Variants in UBE2D2 observed in about 807,000 individuals in gnomAD.
UBE2D2 encodes ubiquitin-conjugating enzyme E2 D2.
In UBE2D2, 2 loss-of-function variants were observed where a neutral mutation model predicts 24.2. The observed-to-expected ratio is 0.08, with a 90% CI of 0.03 to 0.26. The LOEUF (loss-of-function observed/expected upper bound fraction) is 0.26. Ranked by LOEUF, UBE2D2 falls within the 10% of genes least tolerant of loss-of-function variation. UBE2D2 has a pLI of 1.00. For missense variants in UBE2D2, 44 were observed against 177.6 expected, an observed-to-expected ratio of 0.25 and a Z score of 4.28; for synonymous variants, 58 against 56.5, an observed-to-expected ratio of 1.03 and a Z score of -0.12.
At chr5:139,596,165 T>C (rs1753956131) in intron 1 of UBE2D2, among the ~76,000 whole-genome samples, 1 of 152,030 alleles carries the variant, frequency 6.6e-6, no homozygotes, top group Non-Finnish European at 1.5e-5. Context: ...GTGCTGGGAT[T>C]ACAGGTATGA....
intron 1 of UBE2D2, among the ~76,000 whole-genome samples, chr5:139,587,672 C>CAAAAAAA (rs766266617): frequency 2.8e-5 from 1 of 35,548 alleles, no homozygotes. Context: ...GACCCCATCT[C>CAAAAAAA]AAAAAAAAAA....
intron 1 of UBE2D2, among the ~76,000 whole-genome samples, chr5:139,579,120 A>G (rs1052197524): frequency 6.6e-6 from 1 of 151,922 alleles, no homozygotes; most frequent in African/African-American, 2.4e-5. Context: ...GGTGTGTGCC[A>G]CCACACCCAG....
chr5:139,543,698 C>T (rs1276197536), intron 1 of UBE2D2, among the ~76,000 whole-genome samples: 1 of 152,242 alleles, frequency 6.6e-6, no homozygotes, highest in Non-Finnish European at 1.5e-5. Flanking sequence ...TCTTCGCCAC[C>T]AGATCCCAAT....
intron 6 of UBE2D2, among the ~76,000 whole-genome samples, chr5:139,625,053 A>C (rs1581537206): frequency 1.4e-5 from 2 of 138,950 alleles, no homozygotes; most frequent in African/African-American, 2.7e-5. Context: ...CCCACCCTCT[A>C]ACCCCCCACT....
chr5:139,541,007 T>C (rs1752752394), intron 1 of UBE2D2, among the ~76,000 whole-genome samples: 1 of 141,774 alleles, frequency 7.1e-6, no homozygotes. Flanking sequence ...AAAAAAAAAG[T>C]CTGGATGCAG....
intron 2 of UBE2D2, among the ~76,000 whole-genome samples, chr5:139,602,897 A>G (rs563625091): frequency 7.7e-4 from 118 of 152,320 alleles, no homozygotes; most frequent in African/African-American, 2.6e-3. Flanking sequence ...GGTACCAAAC[A>G]AGGCAGGCTA....
intron 1 of UBE2D2, among the ~76,000 whole-genome samples, chr5:139,548,006 A>C (rs560245236): frequency 5.3e-4 from 80 of 151,766 alleles, no homozygotes; most frequent in African/African-American, 1.8e-3. Flanking sequence ...AAGTTTCATT[A>C]TAAATTTAAT....
intron 6 of UBE2D2, among the ~76,000 whole-genome samples, chr5:139,624,607 G>A (rs1166679498): frequency 6.6e-6 from 1 of 152,256 alleles, no homozygotes; most frequent in Non-Finnish European, 1.5e-5. Flanking sequence ...CCAACGGGGT[G>A]AAACCCCGTC....
rs192163248 is a variant in UBE2D2 at position 139,571,137 on chromosome 5, G to A, written c.24+9322G>A. ...TTAAAACAACAGATCGGCTGGGCGC[G>A]GTGGCTCATGCCTGTAATCCCAGCA... is the stretch of plus-strand genomic sequence containing the variant. On this transcript the variant is annotated intron_variant, in intron 1 of 6. Transcript: ENST00000398733. 7.8e-3 allele frequency among the ~76,000 whole-genome samples: 1,180 copies of A among 152,156 alleles called. 8 individuals are homozygous for A. The highest frequency in any genetic ancestry group is 0.041 in the Middle Eastern group (12 of 294).
intron 1 of UBE2D2, among the ~76,000 whole-genome samples, chr5:139,582,402 G>T (rs1174432746): frequency 6.6e-6 from 1 of 151,662 alleles, no homozygotes; most frequent in Non-Finnish European, 1.5e-5. Flanking sequence ...GTAGAGACGG[G>T]GTTTCACAAT....
At chr5:139,607,016 G>A (rs1754214294) in intron 2 of UBE2D2, among the ~76,000 whole-genome samples, 1 of 152,136 alleles carries the variant, frequency 6.6e-6, no homozygotes, top group African/African-American at 2.4e-5. Context: ...ATGTTGGCCA[G>A]GCTGGTCTTG....
chr5:139,571,971 C>A (rs1218103738), intron 1 of UBE2D2, among the ~76,000 whole-genome samples: 1 of 151,734 alleles, frequency 6.6e-6, no homozygotes, highest in Non-Finnish European at 1.5e-5. Context: ...AAACTTCCCT[C>A]TTCCATAAGA....
At chr5:139,561,850 G>T in intron 1 of UBE2D2, 35 bp downstream of exon 1, 1 of 1,464,450 alleles carries the variant, frequency 6.8e-7, no homozygotes. Flanking sequence ...CTGCTGGCCA[G>T]CTGAGCAGGC....
intron 1 of UBE2D2, among the ~76,000 whole-genome samples, chr5:139,578,364 C>T (rs1753524742): frequency 6.6e-6 from 1 of 152,066 alleles, no homozygotes; most frequent in African/African-American, 2.4e-5. Context: ...CCTGTCCTGT[C>T]TCTCTCATTC....
intron 1 of UBE2D2, among the ~76,000 whole-genome samples, chr5:139,548,185 A>AT (rs1752861550): frequency 3.8e-5 from 1 of 26,246 alleles, no homozygotes; most frequent in Non-Finnish European, 6.3e-5. Context: ...AAAAAAAAAT[A>AT]AAAAAAAAAA....
At chr5:139,596,422 T>G (rs1456174168) in intron 1 of UBE2D2, among the ~76,000 whole-genome samples, 1 of 151,780 alleles carries the variant, frequency 6.6e-6, no homozygotes, top group Non-Finnish European at 1.5e-5. Context: ...GCCTCCCCGG[T>G]AAATGGGATT....
chr5:139,539,601 AT>A (rs957394962), intron 1 of UBE2D2, among the ~76,000 whole-genome samples: 4 of 150,798 alleles, frequency 2.7e-5, no homozygotes, highest in Admixed American at 6.6e-5. Context: ...TTCCTAATTT[AT>A]TTTTTTTTAG....
Position 139,623,424 on chromosome 5 carries a change from C to A in UBE2D2, c.361C>A (p.Pro121Thr). 1 of 1,602,566 alleles carries A rather than the reference C, an allele frequency of 6.2e-7. No individual in the cohort carries two copies. The highest frequency in any genetic ancestry group is 8.5e-7 in the Non-Finnish European group (1 of 1,171,464). Residue 121 changes from proline to threonine, a missense_variant, in exon 6 of 7, where the codon CCT (proline) becomes ACT (threonine). Pro to Thr is a conservative substitution (Grantham distance 38, BLOSUM62 -1). This residue lies in a region of UBE2D2 where 21 missense variants were observed against 35.7 expected (regional missense o/e 0.59). Transcript: ENST00000398733. Reference sequence around the variant, plus strand: ...TCCCAATCCAGATGATCCTTTAGTGCCTGAGATTGCTCGGATCTACAAAAC... The same window carrying A: ...TCCCAATCCAGATGATCCTTTAGTGACTGAGATTGCTCGGATCTACAAAAC... Reference protein sequence around the residue: ...CDPNPDDPLVPEIARIYKTDR... With the variant: ...CDPNPDDPLVTEIARIYKTDR...
intron 1 of UBE2D2, among the ~76,000 whole-genome samples, chr5:139,592,795 C>T (rs564402761): frequency 2.7e-5 from 4 of 150,084 alleles, no homozygotes; most frequent in East Asian, 2.0e-4. Context: ...GTAGAGATGG[C>T]GTTTCACTGT....
Sources: allele counts gnomAD v4.1 joint callset (sites outside exome capture counted in the v4.1 genomes callset), GRCh38; gene constraint gnomAD v4.1.1; regional missense constraint gnomAD v4.1.1; transcripts MANE v1.5; gene names NCBI Gene and HGNC (gene_info 2026-07-23, HGNC 2026-07-21).